Variants in DLG2 observed in about 807,000 individuals in gnomAD.
The protein encoded by DLG2 is discs large MAGUK scaffold protein 2, also known as disks large homolog 2.
In DLG2, 45 loss-of-function variants were observed where a neutral mutation model predicts 132.5. The observed-to-expected ratio is 0.34, with a 90% CI of 0.27 to 0.44. The LOEUF (loss-of-function observed/expected upper bound fraction) is 0.44, where lower values mean the gene tolerates loss of function less well. DLG2 is among the 20% of genes least tolerant of loss of function. The probability of loss-of-function intolerance (pLI) is 1.00; values close to 1 mark genes in which losing one functional copy is unlikely to be tolerated. For synonymous variants in DLG2, 424 were observed against 419.6 expected, an observed-to-expected ratio of 1.01 and a Z score of -0.13; for missense variants, 1,045 against 1,196.9, an observed-to-expected ratio of 0.87 and a Z score of 1.87.
At chr11:85,542,879 T>A (rs2076063154) in intron 3 of DLG2, among the ~76,000 whole-genome samples, 2 of 152,360 alleles carry the variant, frequency 1.3e-5, no homozygotes, top group South Asian at 4.1e-4. Flanking sequence ...TTGTATGTAG[T>A]CATATGTGTT....
chr11:84,695,698 T>A (rs2058544611), intron 6 of DLG2, among the ~76,000 whole-genome samples: 2 of 151,618 alleles, frequency 1.3e-5, no homozygotes, highest in East Asian at 3.9e-4. Flanking sequence ...ATTATGTGAT[T>A]GGTACTATTG....
intron 6 of DLG2, among the ~76,000 whole-genome samples, chr11:84,838,495 T>C (rs185170441): frequency 2.2e-4 from 33 of 151,940 alleles, no homozygotes; most frequent in African/African-American, 7.7e-4. Context: ...TACATTGCTG[T>C]TGACATTGTC....
intron 6 of DLG2, among the ~76,000 whole-genome samples, chr11:84,735,330 A>G (rs1212739749): frequency 6.6e-6 from 1 of 152,152 alleles, no homozygotes; most frequent in South Asian, 2.1e-4. Context: ...TTATTGGTCT[A>G]TTCAGAGATT....
At chr11:84,018,880 A>G (rs2154074754) in intron 11 of DLG2, among the ~76,000 whole-genome samples, 1 of 152,216 alleles carries the variant, frequency 6.6e-6, no homozygotes, top group East Asian at 1.9e-4. Context: ...AAAATAGTGT[A>G]TCCAGGAAAA....
intron 4 of DLG2, among the ~76,000 whole-genome samples, chr11:85,228,459 A>G (rs1022634781): frequency 6.6e-6 from 1 of 152,130 alleles, no homozygotes; most frequent in Non-Finnish European, 1.5e-5. Context: ...TACATATTTT[A>G]GAATGCTTCC....
At chr11:84,030,258 T>C (rs543986864) in intron 11 of DLG2, among the ~76,000 whole-genome samples, 1 of 152,148 alleles carries the variant, frequency 6.6e-6, no homozygotes, top group African/African-American at 2.4e-5. Flanking sequence ...TTACTGATAA[T>C]TGAGGAAAAT....
intron 7 of DLG2, among the ~76,000 whole-genome samples, chr11:84,338,793 G>T (rs555018732): frequency 6.6e-6 from 1 of 152,190 alleles, no homozygotes; most frequent in South Asian, 2.1e-4. Flanking sequence ...GTGACAGAGT[G>T]AGACTTCATC....
chr11:83,596,015 G>A (rs1033904187), intron 19 of DLG2, among the ~76,000 whole-genome samples: 9 of 152,176 alleles, frequency 5.9e-5, no homozygotes, highest in African/African-American at 2.2e-4. Flanking sequence ...TTTGCATATT[G>A]GCAAGAACAT....
chr11:84,885,406 C>T (rs2088090452), intron 6 of DLG2, among the ~76,000 whole-genome samples: 1 of 152,000 alleles, frequency 6.6e-6, no homozygotes, highest in South Asian at 2.1e-4. Flanking sequence ...ATATTCATAG[C>T]TTATTGCGGC....
At chr11:85,354,225 CAT>C (rs1411272096) in intron 3 of DLG2, among the ~76,000 whole-genome samples, 9 of 152,022 alleles carry the variant, frequency 5.9e-5, no homozygotes, top group Admixed American at 3.9e-4. Flanking sequence ...AAAATTATCT[CAT>C]GTCTTTGAAT....
rs2092954901 is a variant in DLG2 at position 85,470,612 on chromosome 11, G to T, written c.40+128045C>A. Among the ~76,000 whole-genome samples the T allele has an allele frequency of 2.6e-5, 4 of 152,082 alleles. No homozygotes were observed. The South Asian group carries it at 8.3e-4, about 32-fold the overall frequency. Reference sequence around the variant, plus strand: ...GTGTTGCATTCCCCAGCTACTCAGGGGGCTGAGGCTGAGGCTGAGGCATGA... The same window carrying T: ...GTGTTGCATTCCCCAGCTACTCAGGTGGCTGAGGCTGAGGCTGAGGCATGA... On this transcript the variant is annotated intron_variant, in intron 3 of 27. Coordinates refer to ENST00000376104, the MANE Select transcript of DLG2 (RefSeq NM_001142699.3).
chr11:85,334,320 CT>C (rs762213624), intron 3 of DLG2, among the ~76,000 whole-genome samples: 13 of 151,872 alleles, frequency 8.6e-5, no homozygotes, highest in Non-Finnish European at 1.6e-4. Context: ...GATCTTCTCT[CT>C]TTTTTTATTT....
At chr11:85,468,628 G>A (rs962187610) in intron 3 of DLG2, among the ~76,000 whole-genome samples, 1 of 152,160 alleles carries the variant, frequency 6.6e-6, no homozygotes, top group Non-Finnish European at 1.5e-5. Flanking sequence ...GGTTTTGAGT[G>A]AGTTTCTTAA....
chr11:83,622,498 A>G (rs1187305077), intron 19 of DLG2, among the ~76,000 whole-genome samples: 1 of 152,044 alleles, frequency 6.6e-6, no homozygotes, highest in Non-Finnish European at 1.5e-5. Context: ...GCATCTTCAA[A>G]CTCAACTGTC....
At chr11:84,220,473 T>C (rs1256428659) in intron 8 of DLG2, among the ~76,000 whole-genome samples, 2 of 152,220 alleles carry the variant, frequency 1.3e-5, no homozygotes, top group Non-Finnish European at 2.9e-5. Flanking sequence ...TGTTGGTTTC[T>C]ATGTTTCACT....
chr11:84,872,114 T>C (rs1027597715), intron 6 of DLG2, among the ~76,000 whole-genome samples: 10 of 152,210 alleles, frequency 6.6e-5, no homozygotes, highest in African/African-American at 2.4e-4. Flanking sequence ...TGGCTATGAA[T>C]CTGTACTGAT....
At chr11:83,480,883 T>G (rs1374043146) in intron 22 of DLG2, among the ~76,000 whole-genome samples, 1 of 152,148 alleles carries the variant, frequency 6.6e-6, no homozygotes, top group Non-Finnish European at 1.5e-5. Flanking sequence ...CTCAAATTGC[T>G]AATTGATCCC....
rs184794999 is a variant in DLG2 at position 85,592,899 on chromosome 11, G to A, written c.40+5758C>T. Among the ~76,000 whole-genome samples the A allele has an allele frequency of 3.1e-4, 47 of 151,532 alleles. No individual in the cohort carries two copies. The East Asian group carries it at 8.4e-3, about 27-fold the overall frequency. On this transcript the variant is annotated intron_variant, in intron 3 of 27. Transcript: ENST00000376104. ...CCCCAGAAAGCAGAGGTTGCAGTGA[G>A]CTGAGACTGCACCACTGCACTCTAG...
chr11:83,696,077 C>T (rs1168884861), intron 18 of DLG2, among the ~76,000 whole-genome samples: 1 of 152,140 alleles, frequency 6.6e-6, no homozygotes, highest in Non-Finnish European at 1.5e-5. Context: ...ATCTGATTTG[C>T]ACTTTAGAAA....
Sources: gnomAD v4.1 joint callset for allele counts (sites outside exome capture counted in the v4.1 genomes callset) on GRCh38, gnomAD v4.1.1 for gene constraint, MANE v1.5 for transcripts, NCBI Gene and HGNC (gene_info 2026-07-23, HGNC 2026-07-21) for gene names.